The following NEXMIF variants were observed in gnomAD, a reference collection of about 807,000 sequenced individuals.
NEXMIF encodes XLMR protein related to neurite extension.
Under a neutral mutation model 62.1 loss-of-function variants are expected in NEXMIF, and 8 were observed. That is an observed-to-expected ratio of 0.13 (90% CI 0.08 to 0.23). The LOEUF is 0.23. Ranked by LOEUF, NEXMIF falls within the 10% of genes least tolerant of loss-of-function variation. The pLI is 1.00. For synonymous variants in NEXMIF, 404 were observed against 416.6 expected (o/e 0.97, Z 0.37); for missense variants, 976 against 1,113.3 (o/e 0.88, Z 1.75).
At chrX:74,825,770 G>C (rs933139697) in intron 1 of NEXMIF, among the ~76,000 whole-genome samples, 1 of 112,179 alleles carries the variant, frequency 8.9e-6, no homozygotes, top group Non-Finnish European at 1.9e-5. Flanking sequence ...GGCCAGGCTG[G>C]TTTTGAACAC....
intron 1 of NEXMIF, among the ~76,000 whole-genome samples, chrX:74,886,665 G>A (rs2147362468): frequency 9.0e-6 from 1 of 110,809 alleles, no homozygotes; most frequent in South Asian, 3.9e-4. Flanking sequence ...CAAACAAATG[G>A]AAGAACATTC....
At chrX:74,894,460 G>C (rs1242040659) in intron 1 of NEXMIF, among the ~76,000 whole-genome samples, 2 of 111,105 alleles carry the variant, frequency 1.8e-5, no homozygotes, top group Non-Finnish European at 3.8e-5. Flanking sequence ...AAATAAAGGA[G>C]GAAGGAATAC....
chrX:74,755,378 G>A (rs1334745079), intron 1 of NEXMIF, among the ~76,000 whole-genome samples: 1 of 111,839 alleles, frequency 8.9e-6, no homozygotes, highest in Non-Finnish European at 1.9e-5. Flanking sequence ...ACTTGGCAAA[G>A]CAGGTATCTC....
chrX:74,746,805 T>A (rs913831094), intron 1 of NEXMIF, among the ~76,000 whole-genome samples: 5 of 112,562 alleles, frequency 4.4e-5, no homozygotes, highest in Non-Finnish European at 9.4e-5. Context: ...TGACTCTGGG[T>A]TTCCCCTAAC....
At chrX:74,791,492 A>T (rs1170943899) in intron 1 of NEXMIF, among the ~76,000 whole-genome samples, 1 of 111,315 alleles carries the variant, frequency 9.0e-6, no homozygotes, top group Non-Finnish European at 1.9e-5. Context: ...CTGGCCTCAT[A>T]AAATGAGTTA....
At chrX:74,871,010 T>C (rs938673732) in intron 1 of NEXMIF, among the ~76,000 whole-genome samples, 3 of 111,960 alleles carry the variant, frequency 2.7e-5, no homozygotes, top group South Asian at 7.5e-4. Flanking sequence ...GAAGAGATAT[T>C]GGTACTCCTG....
chrX:74,886,832 A>G (rs6647561), intron 1 of NEXMIF, among the ~76,000 whole-genome samples: 17,352 of 98,082 alleles, frequency 0.18, 3,098 homozygotes, highest in East Asian at 0.89. Context: ...AAAAGAGCCC[A>G]CATCACCAAG....
At chrX:74,840,998 T>A (rs1254566458) in intron 1 of NEXMIF, among the ~76,000 whole-genome samples, 1 of 112,065 alleles carries the variant, frequency 8.9e-6, no homozygotes, top group Non-Finnish European at 1.9e-5. Context: ...TTTAAAATAG[T>A]TTTTTCTAAT....
chrX:74,840,802 C>T (rs757697016), intron 1 of NEXMIF, among the ~76,000 whole-genome samples: 10 of 110,960 alleles, frequency 9.0e-5, no homozygotes, highest in Non-Finnish European at 1.5e-4. Context: ...AGGTGAAAGG[C>T]CTCACTTCTG....
At chrX:74,911,048 C>G (rs1486891178) in intron 1 of NEXMIF, among the ~76,000 whole-genome samples, 1 of 111,849 alleles carries the variant, frequency 8.9e-6, no homozygotes, top group East Asian at 2.8e-4. Context: ...AAAGGTGATT[C>G]CAGGTTCTCT....
intron 1 of NEXMIF, among the ~76,000 whole-genome samples, chrX:74,876,353 A>G (rs1602260850): frequency 1.8e-5 from 2 of 111,350 alleles, no homozygotes; most frequent in Middle Eastern, 9.3e-3. Flanking sequence ...GTGGTCTGAG[A>G]GACAGTTTGT....
At position 74,739,361 on chromosome X, in the gene NEXMIF, A is replaced by G. The variant is rs1412220883; in HGVS notation, c.*44T>C. On this transcript the variant is annotated 3_prime_UTR_variant, in exon 4 of 4. Transcript: ENST00000055682. ...TTTCTTTAAGCACTTACATGTCAAC[A>G]TACATACCACAAGGCATATTTTGAA... The G allele has an allele frequency of 2.1e-6, 2 of 957,119 alleles. No homozygotes were observed. The highest frequency in any genetic ancestry group is 6.5e-5 in the East Asian group (2 of 30,888). 78.9% of individuals were successfully genotyped at this position (957,119 alleles called of 1,213,427 possible). A position where few individuals can be genotyped will look rare whatever the true frequency, so the allele number is the denominator to read the frequency against.
At position 74,741,296 on chromosome X, in the gene NEXMIF, C is replaced by G. The variant is rs1282859706; in HGVS notation, c.3261G>C (p.Glu1087Asp). The G allele has an allele frequency of 8.3e-7, 1 of 1,211,355 alleles. No individual in the cohort carries two copies. The change falls in exon 3 of 4, where the codon GAG (glutamate) becomes GAC (aspartate). Residue 1087 changes from glutamate (E) to aspartate (D), a missense_variant. By Grantham distance (45) the Glu-to-Asp change is conservative. Coordinates refer to ENST00000055682, the MANE Select transcript of NEXMIF (RefSeq NM_001008537.3). Reference sequence around the variant, plus strand: ...TTAGTGTTCCTAGTGTCTTCATACTCTCACATCTGGTAATTTGAGGGGAAA... The same window carrying G: ...TTAGTGTTCCTAGTGTCTTCATACTGTCACATCTGGTAATTTGAGGGGAAA... ...PSLSPQITRC[E>D]SMKTLGTLKG...
At chrX:74,831,729 T>C (rs1416685656) in intron 1 of NEXMIF, among the ~76,000 whole-genome samples, 1 of 112,035 alleles carries the variant, frequency 8.9e-6, no homozygotes, top group Non-Finnish European at 1.9e-5. Flanking sequence ...TTTATCCCAT[T>C]CATTATAATA....
chrX:74,884,713 C>T (rs2080683302), intron 1 of NEXMIF, among the ~76,000 whole-genome samples: 1 of 111,442 alleles, frequency 9.0e-6, no homozygotes, highest in African/African-American at 3.3e-5. Context: ...TTTAACACCC[C>T]ACTGTCAACA....
chrX:74,811,503 C>T (rs984277399), intron 1 of NEXMIF, among the ~76,000 whole-genome samples: 1 of 112,302 alleles, frequency 8.9e-6, no homozygotes, highest in Non-Finnish European at 1.9e-5. Context: ...ACATATTTAG[C>T]GTAATCTTAC....
intron 1 of NEXMIF, among the ~76,000 whole-genome samples, chrX:74,922,643 T>C (rs1038197136): frequency 8.9e-6 from 1 of 112,048 alleles, no homozygotes; most frequent in African/African-American, 3.2e-5. Context: ...AGCCATTTCA[T>C]CTCTACTCAA....
At chrX:74,817,479 G>T (rs2080379781) in intron 1 of NEXMIF, among the ~76,000 whole-genome samples, 1 of 111,690 alleles carries the variant, frequency 9.0e-6, no homozygotes, top group Non-Finnish European at 1.9e-5. Context: ...ATACTAAAGG[G>T]TCAGGAAGAC....
intron 1 of NEXMIF, among the ~76,000 whole-genome samples, chrX:74,853,654 G>T (rs190420238): frequency 9.0e-6 from 1 of 110,601 alleles, no homozygotes; most frequent in East Asian, 2.9e-4. Flanking sequence ...ACCCTTTCTA[G>T]CTGCCTAAAA....
Sources: gnomAD v4.1 joint callset for allele counts (sites outside exome capture counted in the v4.1 genomes callset) on GRCh38, gnomAD v4.1.1 for gene constraint, MANE v1.5 for transcripts, NCBI Gene and HGNC (gene_info 2026-07-23, HGNC 2026-07-21) for gene names.